The following LRCH1 variants were observed in gnomAD, a reference collection of about 807,000 sequenced individuals.
The protein encoded by LRCH1 is leucine-rich repeat and calponin homology domain-containing protein 1.
LRCH1 carries 23 observed loss-of-function variants against 94.9 expected under a neutral mutation model. The ratio of observed to expected loss-of-function variants is 0.24; its 90% CI spans 0.17 to 0.34. The LOEUF is 0.34. Ranked by LOEUF, LRCH1 falls within the 10% of genes least tolerant of loss-of-function variation. LRCH1 has a pLI of 1.00. For synonymous variants in LRCH1, 364 were observed against 354.9 expected, an observed-to-expected ratio of 1.03 and a Z score of -0.29; for missense variants, 790 against 945.9, an observed-to-expected ratio of 0.84 and a Z score of 2.16.
chr13:46,555,769 TA>T (rs1178764419), intron 1 of LRCH1, among the ~76,000 whole-genome samples: 1 of 152,256 alleles, frequency 6.6e-6, no homozygotes, highest in Non-Finnish European at 1.5e-5. Flanking sequence ...TCATTGCAGC[TA>T]GTTATTTTAC....
intron 1 of LRCH1, among the ~76,000 whole-genome samples, chr13:46,574,821 GGTTTTTTTTT>G (rs896611596): frequency 5.9e-5 from 8 of 134,514 alleles, no homozygotes; most frequent in African/African-American, 2.1e-4. Context: ...TTGTGTGTGG[GGTTTTTTTTT>G]TTTTTTTTTT....
intron 1 of LRCH1, among the ~76,000 whole-genome samples, chr13:46,615,900 G>A (rs552453997): frequency 6.6e-6 from 1 of 152,318 alleles, no homozygotes; most frequent in South Asian, 2.1e-4. Context: ...GCCACCAGAT[G>A]TCGTGTAGGC....
intron 8 of LRCH1, among the ~76,000 whole-genome samples, chr13:46,693,815 T>C (rs1330598009): frequency 2.0e-5 from 3 of 152,224 alleles, no homozygotes; most frequent in Non-Finnish European, 4.4e-5. Context: ...CATTTAGTTT[T>C]ACTCATTTGT....
At chr13:46,609,469 T>G (rs778102311) in intron 1 of LRCH1, among the ~76,000 whole-genome samples, 4 of 152,176 alleles carry the variant, frequency 2.6e-5, no homozygotes, top group Non-Finnish European at 5.9e-5. Flanking sequence ...AGGAAATAAA[T>G]TGTCTGTTTT....
Position 46,602,441 on chromosome 13 carries a change from GC to G in LRCH1, c.308-47755del, listed in dbSNP as rs370965434. Among the ~76,000 whole-genome samples, 106 of 152,212 alleles carry G rather than the reference GC, an allele frequency of 7.0e-4. 1 individual carries two copies. The highest frequency in any genetic ancestry group is 2.5e-3 in the African/African-American group (102 of 41,532). Reference sequence around the variant, plus strand: ...GTCAGTCTGCAGTGGATCTAAATCAGCCCCCTGCTGTTTACTGTGTCTGTAG... The same window carrying G: ...GTCAGTCTGCAGTGGATCTAAATCAGCCCCTGCTGTTTACTGTGTCTGTAG... On this transcript the variant is annotated intron_variant, in intron 1 of 19. Coordinates refer to ENST00000389797, the MANE Select transcript of LRCH1 (RefSeq NM_001164211.2).
intron 1 of LRCH1, among the ~76,000 whole-genome samples, chr13:46,622,142 T>C (rs1341642374): frequency 6.6e-6 from 1 of 152,146 alleles, no homozygotes; most frequent in Non-Finnish European, 1.5e-5. Flanking sequence ...GATAAAACAT[T>C]TGTATAATAA....
At chr13:46,622,551 C>T (rs1384917883) in intron 1 of LRCH1, among the ~76,000 whole-genome samples, 7 of 152,186 alleles carry the variant, frequency 4.6e-5, no homozygotes, top group Admixed American at 2.6e-4. Context: ...TCACTCTTTT[C>T]CTGCTTCCAT....
chr13:46,571,943 T>C (rs1367166255), intron 1 of LRCH1, among the ~76,000 whole-genome samples: 3 of 151,706 alleles, frequency 2.0e-5, no homozygotes, highest in East Asian at 3.9e-4. Context: ...AGGCAGGCAG[T>C]GGCTGTTTTT....
chr13:46,566,590 TTTGTAAGCCAG>T (rs1027597688), intron 1 of LRCH1, among the ~76,000 whole-genome samples: 52 of 152,182 alleles, frequency 3.4e-4, no homozygotes, highest in African/African-American at 1.1e-3. Flanking sequence ...TCAGAGTATA[TTTGTAAGCCAG>T]TAGTAAGACA....
At chr13:46,594,490 C>CA (rs938833796) in intron 1 of LRCH1, among the ~76,000 whole-genome samples, 16 of 152,166 alleles carry the variant, frequency 1.1e-4, no homozygotes, top group Middle Eastern at 3.4e-3. Context: ...CCTGCAGAAG[C>CA]AAAGAGGCTT....
intron 17 of LRCH1, among the ~76,000 whole-genome samples, chr13:46,727,476 G>A (rs1872879047): frequency 6.6e-6 from 1 of 152,172 alleles, no homozygotes. Flanking sequence ...AGGAACTTGG[G>A]GGTGGGAAGG....
chr13:46,650,127 G>A (rs1438812029), intron 1 of LRCH1, 74 bp from the exon 2 acceptor site: 4 of 1,026,558 alleles, frequency 3.9e-6, no homozygotes, highest in Admixed American at 4.6e-5. Context: ...AAGAAAAACA[G>A]TGTTTGTGGT....
intron 3 of LRCH1, among the ~76,000 whole-genome samples, chr13:46,678,787 G>T (rs761011524): frequency 1.3e-5 from 2 of 152,104 alleles, no homozygotes; most frequent in Non-Finnish European, 2.9e-5. Flanking sequence ...CTTATGATTA[G>T]AGAAACAGCA....
At chr13:46,562,071 A>G (rs544791730) in intron 1 of LRCH1, among the ~76,000 whole-genome samples, 39 of 152,228 alleles carry the variant, frequency 2.6e-4, no homozygotes, top group Non-Finnish European at 4.4e-4. Flanking sequence ...CTAGAAAAAC[A>G]TTGATGGATT....
chr13:46,588,094 G>A (rs2050454711), intron 1 of LRCH1, among the ~76,000 whole-genome samples: 1 of 152,138 alleles, frequency 6.6e-6, no homozygotes, highest in African/African-American at 2.4e-5. Context: ...TGACAGAATT[G>A]TAAAAACACT....
chr13:46,564,108 T>C (rs189126756), intron 1 of LRCH1, among the ~76,000 whole-genome samples: 1 of 152,220 alleles, frequency 6.6e-6, no homozygotes, highest in Non-Finnish European at 1.5e-5. Flanking sequence ...GACATGTTAG[T>C]GTAGGATTTG....
chr13:46,716,566 C>A (rs907110910), intron 16 of LRCH1, among the ~76,000 whole-genome samples: 1 of 152,112 alleles, frequency 6.6e-6, no homozygotes, highest in Non-Finnish European at 1.5e-5. Flanking sequence ...TGGAAAGATA[C>A]GTTTTCTGAT....
Position 46,744,160 on chromosome 13 carries a change from TGGATGCCTGC to T in LRCH1, c.*2323_*2332del. On this transcript the variant is annotated 3_prime_UTR_variant, in exon 20 of 20. Coordinates refer to ENST00000389797, the MANE Select transcript of LRCH1 (RefSeq NM_001164211.2). ...CCCGTGCACCAGCCCATATGCTAACTGGATGCCTGCGGATGCCTGCCCTTGCAGCTTGACT... is the reference window on the plus strand; with the variant it reads ...CCCGTGCACCAGCCCATATGCTAACTGGATGCCTGCCCTTGCAGCTTGACT... 1 of 985,420 alleles carries T rather than the reference TGGATGCCTGC, an allele frequency of 1.0e-6. No homozygotes were observed. 61.0% of individuals were successfully genotyped at this position (985,420 alleles called of 1,614,324 possible).
At chr13:46,664,413 T>C (rs1307768550) in intron 2 of LRCH1, among the ~76,000 whole-genome samples, 2 of 152,130 alleles carry the variant, frequency 1.3e-5, no homozygotes, top group African/African-American at 4.8e-5. Context: ...TATGTTTAGA[T>C]GTGTTTAGAT....
Sources: gnomAD v4.1 joint callset for allele counts (sites outside exome capture counted in the v4.1 genomes callset) on GRCh38, gnomAD v4.1.1 for gene constraint, MANE v1.5 for transcripts, NCBI Gene and HGNC (gene_info 2026-07-23, HGNC 2026-07-21) for gene names.